TIMELESS: variants seen among roughly 807,000 people sequenced by gnomAD.
TIMELESS encodes timeless circadian regulator, also known as protein timeless homolog.
In TIMELESS, 124 loss-of-function variants were observed where a neutral mutation model predicts 164.3. The observed-to-expected ratio is 0.75, with a 90% CI of 0.65 to 0.88. TIMELESS has a LOEUF of 0.88. Ranked by LOEUF, TIMELESS falls within the 40% of genes least tolerant of loss-of-function variation. The pLI, the probability that TIMELESS is intolerant of heterozygous loss-of-function variation, is 0.00. For synonymous variants in TIMELESS, 564 were observed against 563.4 expected (o/e 1.00, Z -0.02); for missense variants, 1,422 against 1,491.4 (o/e 0.95, Z 0.77).
rs146861622 is a variant in TIMELESS, at chr12:56,422,120, T to C, written c.2510A>G (p.Asn837Ser). Residue 837 changes from asparagine to serine, a missense_variant, in exon 20 of 29, where the codon AAT becomes AGT. Transcript: ENST00000553532. ...AGGCCTCTCACCTTCCACGTCCTTA[T>C]TGGCGAGGTACAGCTCCCGAAGATG... Reference protein sequence around the residue: ...EAHLRELYLANKDVEGQDVVE... With the variant: ...EAHLRELYLASKDVEGQDVVE... 2.5e-6 allele frequency: 4 copies of C among 1,614,136 alleles called. No individual in the cohort carries two copies. The highest frequency in any genetic ancestry group is 2.7e-5 in the African/African-American group (2 of 75,034).
chr12:56,445,797 T>C (rs1868343023), intron 1 of TIMELESS, among the ~76,000 whole-genome samples: 1 of 152,178 alleles, frequency 6.6e-6, no homozygotes, highest in African/African-American at 2.4e-5. Context: ...TAAGTTCTTC[T>C]ATCAGTTGCT....
chr12:56,433,948 T>C, intron 2 of TIMELESS, 22 bp from the exon 3 acceptor site: 3 of 1,613,406 alleles, frequency 1.9e-6, no homozygotes, highest in African/African-American at 2.7e-5. Context: ...GAACAAAACA[T>C]GCATGTGGAA....
chr12:56,431,747 A>C, intron 7 of TIMELESS, 143 bp from the exon 8 acceptor site: 1 of 1,038,024 alleles, frequency 9.6e-7, no homozygotes, highest in Middle Eastern at 2.9e-4. Flanking sequence ...CTGAGGGGGA[A>C]ATGTTCTAAG....
In TIMELESS at chr12:56,422,904, C is replaced by T. The variant is rs1203418520; in HGVS notation, c.2381G>A (p.Trp794Ter). The change falls in exon 19 of 29, where the codon TGG becomes TAG. Residue 794 changes from tryptophan to a stop codon, truncating the protein, a stop_gained. Transcript: ENST00000553532. LOFTEE classifies it high-confidence loss of function. Reference protein sequence around the residue: ...NQKAFVELLFWKNTAVVREMT... With the variant: ...NQKAFVELLF ...CTCTCGAACCACAGCTGTGTTCTTC[C>T]AGAACAACAGCTCCACAAAGGCTTT... is the stretch of plus-strand genomic sequence containing the variant. 1.2e-6 allele frequency: 2 copies of T among 1,613,506 alleles called. No homozygotes were observed. The highest frequency in any genetic ancestry group is 1.7e-6 in the Non-Finnish European group (2 of 1,179,890).
intron 9 of TIMELESS, 30 bp from the exon 10 acceptor site, chr12:56,430,311 A>G: frequency 6.3e-7 from 1 of 1,577,616 alleles, no homozygotes; most frequent in South Asian, 1.2e-5. Context: ...GATTAGAATT[A>G]CTCCTAAATA....
In TIMELESS at chr12:56,417,997, C is replaced by T. The variant is rs770109380; in HGVS notation, c.3466G>A (p.Val1156Ile). ...GLASPEEEDAVGKEPLKAAPK... is the reference protein window; with the variant it reads ...GLASPEEEDAIGKEPLKAAPK... The stretch of plus-strand genomic sequence containing the variant: ...GCTGCCTTCAGCGGCTCTTTACCAA[C>T]AGCGTCTTCCTCTGCAATGACCATA... The change falls in exon 28 of 29, where the codon GTT becomes ATT. Residue 1156 changes from valine to isoleucine, a missense_variant. Val to Ile is a conservative substitution (Grantham distance 29). Coordinates refer to ENST00000553532, the MANE Select transcript of TIMELESS (RefSeq NM_003920.5). The T allele has an allele frequency of 2.4e-5, 39 of 1,614,096 alleles. No homozygotes were observed. The highest frequency in any genetic ancestry group is 2.9e-5 in the Non-Finnish European group (34 of 1,180,044).
chr12:56,439,391 C>CTTTTTTTTTTTTTTTTTTT (rs67588306), intron 1 of TIMELESS, among the ~76,000 whole-genome samples: 1 of 136,416 alleles, frequency 7.3e-6, no homozygotes. Context: ...CAGGGGTTTT[C>CTTTTTTTTTTTTTTTTTTT]TTTTTTTTTT....
Position 56,424,656 on chromosome 12 carries a change from G to C in TIMELESS, c.1868+106C>G, listed in dbSNP as rs941527790. 3.5e-6 allele frequency: 5 copies of C among 1,427,096 alleles called. No individual in the cohort carries two copies. In the African/African-American group the frequency reaches 7.1e-5, roughly 20 times the overall value. The allele number at this position is 1,427,096 out of a possible 1,614,324, so 88.4% of individuals were successfully genotyped here. On this transcript the variant is annotated intron_variant, in intron 15 of 28. Transcript: ENST00000553532. ...AGGAGTCAGTTGGTATACAGTCCCA[G>C]AGCCTTGATGAGACAACTCTCTTTT... is the stretch of plus-strand genomic sequence containing the variant.
chr12:56,436,176 G>A lies in TIMELESS; in HGVS notation c.-61-1945C>T, dbSNP rs372105719. Among the ~76,000 whole-genome samples the A allele has an allele frequency of 2.2e-4, 33 of 152,222 alleles. 1 individual carries two copies. The East Asian group carries it at 5.0e-3, about 23-fold the overall frequency. ...AACACTAATTTAAGAAGTCTTGGCT[G>A]GGCGTAGTAACTCATGCCTGTTATC... On this transcript the variant is annotated intron_variant, in intron 1 of 28. Transcript: ENST00000553532.
At position 56,433,772 on chromosome 12, in the gene TIMELESS, C is replaced by T. The variant is rs1237135839; in HGVS notation, c.251+1G>A. 6.2e-7 allele frequency: 1 copy of T among 1,614,044 alleles called. No homozygotes were observed. Among genetic ancestry groups the T allele is most frequent in the African/African-American group, 1.3e-5 (1 of 74,922 alleles). Reference sequence around the variant, plus strand: ...AAAAGTTTAAAAGCTAGGGAGGCAACCTGATAACAGCATCAAAGAGAGGCT... The same window carrying T: ...AAAAGTTTAAAAGCTAGGGAGGCAATCTGATAACAGCATCAAAGAGAGGCT... On this transcript the variant is annotated splice_donor_variant, in intron 3 of 28. Transcript: ENST00000553532. LOFTEE classifies it high-confidence loss of function.
chr12:56,448,836 G>C lies in TIMELESS; in HGVS notation c.-62+474C>G, dbSNP rs1287164205. Among the ~76,000 whole-genome samples, 3 of 152,230 alleles carry C rather than the reference G, an allele frequency of 2.0e-5. No homozygotes were observed. The East Asian group carries it at 5.8e-4, about 29-fold the overall frequency. On this transcript the variant is annotated intron_variant, in intron 1 of 28. Transcript: ENST00000553532. ...CTTCATTAGCGGCTGAGGTCCAGGT[G>C]ACAAACCCGAACAAGGCAACGAAGG...
intron 1 of TIMELESS, among the ~76,000 whole-genome samples, chr12:56,441,882 G>A (rs1868278868): frequency 6.6e-6 from 1 of 152,106 alleles, no homozygotes; most frequent in South Asian, 2.1e-4. Context: ...AGGAGTTCAT[G>A]ACTAGTCTGG....
At chr12:56,432,731 T>C (rs1881932222) in intron 6 of TIMELESS, among the ~76,000 whole-genome samples, 1 of 151,346 alleles carries the variant, frequency 6.6e-6, no homozygotes, top group Non-Finnish European at 1.5e-5. Context: ...GATCACAAGG[T>C]CAGGAGATCG....
chr12:56,420,247 T>C (rs927302207), intron 26 of TIMELESS, among the ~76,000 whole-genome samples: 5 of 151,822 alleles, frequency 3.3e-5, no homozygotes, highest in Admixed American at 2.6e-4. Flanking sequence ...ATCTATAGAT[T>C]TTGGTATCTG....
intron 1 of TIMELESS, among the ~76,000 whole-genome samples, chr12:56,443,483 A>G (rs557375395): frequency 1.3e-5 from 2 of 152,268 alleles, no homozygotes; most frequent in Non-Finnish European, 2.9e-5. Flanking sequence ...TATCAAGACA[A>G]TGTGTGCCCA....
At chr12:56,429,573 C>G (rs1881801705) in intron 10 of TIMELESS, among the ~76,000 whole-genome samples, 1 of 146,710 alleles carries the variant, frequency 6.8e-6, no homozygotes, top group African/African-American at 2.5e-5. Context: ...CTGATCTCGG[C>G]TCACTGCAAC....
In TIMELESS at chr12:56,431,399, C is replaced by T. The variant is rs566740527; in HGVS notation, c.821+72G>A. ...ACTAAAATGTTGTTCAATCACCCCACCTTAGAATTTGCCTTCTATGCCCTC... is the reference window on the plus strand; with the variant it reads ...ACTAAAATGTTGTTCAATCACCCCATCTTAGAATTTGCCTTCTATGCCCTC... On this transcript the variant is annotated intron_variant, in intron 8 of 28. Transcript: ENST00000553532. 1.8e-4 allele frequency: 264 copies of T among 1,467,426 alleles called. 1 individual carries two copies. The African/African-American group carries it at 3.0e-3, about 16-fold the overall frequency. The allele number at this position is 1,467,426 out of a possible 1,614,324, so 90.9% of individuals were successfully genotyped here.
At chr12:56,430,359 A>G in intron 9 of TIMELESS, 78 bp from the exon 10 acceptor site, 1 of 1,507,626 alleles carries the variant, frequency 6.6e-7, no homozygotes, top group Non-Finnish European at 8.9e-7. Flanking sequence ...TTTTCTCAGA[A>G]GAAACTAATT....
At chr12:56,448,064 A>C (rs1345103214) in intron 1 of TIMELESS, among the ~76,000 whole-genome samples, 1 of 152,162 alleles carries the variant, frequency 6.6e-6, no homozygotes, top group Non-Finnish European at 1.5e-5. Context: ...GGGTGGTCAA[A>C]GAGGAGTTTT....
Sources: allele counts gnomAD v4.1 joint callset (sites outside exome capture counted in the v4.1 genomes callset), GRCh38; gene constraint gnomAD v4.1.1; transcripts MANE v1.5; gene names NCBI Gene and HGNC (gene_info 2026-07-23, HGNC 2026-07-21).